MSRA: variants seen among roughly 807,000 people sequenced by gnomAD.
MSRA encodes mitochondrial peptide methionine sulfoxide reductase.
MSRA carries 54 observed loss-of-function variants against 31.3 expected under a neutral mutation model. The observed-to-expected ratio is 1.73, with a 90% CI of 1.39 to 2.17. MSRA has a LOEUF of 2.17. Ranked by LOEUF, MSRA falls within the 30% of genes most tolerant of loss-of-function variation. The probability of loss-of-function intolerance (pLI) is 0.00; values close to 1 mark genes in which losing one functional copy is unlikely to be tolerated. For missense variants in MSRA, 507 were observed against 300.9 expected (o/e 1.69, Z -5.07); for synonymous variants, 169 against 116.5 (o/e 1.45, Z -2.90).
chr8:10,191,318 C>T (rs996584069), intron 1 of MSRA, among the ~76,000 whole-genome samples: 15 of 152,276 alleles, frequency 9.9e-5, no homozygotes, highest in Admixed American at 1.3e-4. Flanking sequence ...AAAACCCCAC[C>T]GAAATACAGA....
At chr8:10,117,186 G>A (rs1202697705) in intron 1 of MSRA, among the ~76,000 whole-genome samples, 2 of 152,128 alleles carry the variant, frequency 1.3e-5, no homozygotes, top group African/African-American at 2.4e-5. Context: ...GTTCTTCTAA[G>A]TAGGCATGCC....
chr8:10,114,003 C>CT (rs1800491199), intron 1 of MSRA, among the ~76,000 whole-genome samples: 1 of 152,150 alleles, frequency 6.6e-6, no homozygotes, highest in African/African-American at 2.4e-5. Flanking sequence ...TACTAGTTCA[C>CT]TTTTTGTCTA....
intron 1 of MSRA, among the ~76,000 whole-genome samples, chr8:10,127,568 A>T (rs1321511747): frequency 6.6e-6 from 1 of 152,210 alleles, no homozygotes; most frequent in Non-Finnish European, 1.5e-5. Flanking sequence ...CTCAGATGAA[A>T]TGAGTGGAGG....
At position 10,245,120 on chromosome 8, in the gene MSRA, G is replaced by A. The variant is rs1023364680; in HGVS notation, c.228G>A (p.Trp76Ter). 3 of 1,613,028 alleles carry A rather than the reference G, an allele frequency of 1.9e-6. No individual in the cohort carries two copies. Among genetic ancestry groups the A allele is most frequent in the Admixed American group, 1.7e-5 (1 of 59,958 alleles). The change falls in exon 3 of 6, where the codon TGG (tryptophan) becomes TGA (stop). Residue 76 changes from tryptophan (W) to a stop codon, truncating the protein, a stop_gained. Transcript: ENST00000317173. LOFTEE classifies it high-confidence loss of function. ...TTTTTTAAGGAATGGGATGTTTCTG[G>A]GGAGCTGAAAGGAAATTCTGGGTCT... ...QMAVFGMGCF[W>*]GAERKFWVLK... is the part of the protein sequence containing the mutation.
intron 2 of MSRA, among the ~76,000 whole-genome samples, chr8:10,240,580 C>T (rs1033156757): frequency 2.6e-5 from 4 of 152,164 alleles, no homozygotes; most frequent in African/African-American, 9.7e-5. Context: ...CTCTCTACCC[C>T]AGATTTCCTA....
rs551957973 is a variant in MSRA, at chr8:10,378,854, C to G, written c.544-49294C>G. On this transcript the variant is annotated intron_variant, in intron 5 of 5. Transcript: ENST00000317173. The stretch of plus-strand genomic sequence containing the variant: ...GTGAGAGCCACTGCATCAGACTAAC[C>G]ACGTGTGTTCCTCTTTTATTTAAAA... Among the ~76,000 whole-genome samples, 175 of 152,302 alleles carry G rather than the reference C, an allele frequency of 1.1e-3. 1 individual carries two copies. Among genetic ancestry groups the G allele is most frequent in the Middle Eastern group, 6.8e-3 (2 of 294 alleles).
intron 1 of MSRA, among the ~76,000 whole-genome samples, chr8:10,145,044 G>T (rs1462463869): frequency 6.6e-6 from 1 of 152,122 alleles, no homozygotes; most frequent in East Asian, 1.9e-4. Flanking sequence ...TAGCTGTCAG[G>T]CTTATGTCAA....
chr8:10,428,594 G>A lies in MSRA; in HGVS notation c.*282G>A. The A allele has an allele frequency of 2.6e-6, 1 of 383,974 alleles. No homozygotes were observed. Among genetic ancestry groups the A allele is most frequent in the South Asian group, 2.5e-5 (1 of 39,912 alleles). 23.8% of individuals were successfully genotyped at this position (383,974 alleles called of 1,614,324 possible). A position where few individuals can be genotyped will look rare whatever the true frequency, so the allele number is the denominator to read the frequency against. The stretch of plus-strand genomic sequence containing the variant: ...AGGGATGCTGTGTTCACCCTTCTTG[G>A]TAGAAGCTAAGGTGTGAGCTGGGAG... On this transcript the variant is annotated 3_prime_UTR_variant, in exon 6 of 6. Coordinates refer to ENST00000317173, the MANE Select transcript of MSRA (RefSeq NM_012331.5).
At chr8:10,217,061 C>T (rs191599912) in intron 2 of MSRA, among the ~76,000 whole-genome samples, 40 of 152,304 alleles carry the variant, frequency 2.6e-4, no homozygotes, top group African/African-American at 9.6e-4. Flanking sequence ...CCTTGCCAAC[C>T]CTTGTTATTT....
intron 1 of MSRA, among the ~76,000 whole-genome samples, chr8:10,055,577 T>C (rs945838441): frequency 3.9e-5 from 6 of 152,202 alleles, no homozygotes; most frequent in Admixed American, 2.6e-4. Flanking sequence ...CCCAACAATC[T>C]CTAAAACAAG....
rs994942835 is a variant in MSRA at position 10,351,192 on chromosome 8, C to T, written c.543+31203C>T. Reference sequence around the variant, plus strand: ...CATTCGAGTGAAAATTCATCTCTTTCCCTCCCAAAAACATCATGTAATGAA... The same window carrying T: ...CATTCGAGTGAAAATTCATCTCTTTTCCTCCCAAAAACATCATGTAATGAA... On this transcript the variant is annotated intron_variant, in intron 5 of 5. Transcript: ENST00000317173. Among the ~76,000 whole-genome samples, 3 of 151,330 alleles carry T rather than the reference C, an allele frequency of 2.0e-5. No homozygotes were observed. The South Asian group carries it at 6.3e-4, about 32-fold the overall frequency.
At chr8:10,298,460 G>T (rs62490321) in intron 3 of MSRA, among the ~76,000 whole-genome samples, 1 of 152,154 alleles carries the variant, frequency 6.6e-6, no homozygotes, top group South Asian at 2.1e-4. Context: ...GGTTGCCAGG[G>T]CCCAGTGGGA....
At chr8:10,270,403 T>G (rs1467143327) in intron 3 of MSRA, among the ~76,000 whole-genome samples, 1 of 61,776 alleles carries the variant, frequency 1.6e-5, no homozygotes, top group African/African-American at 5.0e-5. Context: ...TGAAGAAGCA[T>G]ACTGAAAAAA....
intron 1 of MSRA, among the ~76,000 whole-genome samples, chr8:10,063,461 A>G (rs756484263): frequency 6.6e-6 from 1 of 151,736 alleles, no homozygotes; most frequent in Non-Finnish European, 1.5e-5. Context: ...CTCCACTTCC[A>G]CCCCGAGGCT....
chr8:10,371,838 CT>C (rs1805496222), intron 5 of MSRA, among the ~76,000 whole-genome samples: 1 of 152,184 alleles, frequency 6.6e-6, no homozygotes, highest in Non-Finnish European at 1.5e-5. Context: ...TCTTGCAGGA[CT>C]TGGGACATGG....
intron 5 of MSRA, among the ~76,000 whole-genome samples, chr8:10,381,519 G>A (rs1806069117): frequency 6.6e-6 from 1 of 152,186 alleles, no homozygotes; most frequent in Non-Finnish European, 1.5e-5. Context: ...CCCCTCCCCA[G>A]TGAGTTTCCA....
intron 1 of MSRA, among the ~76,000 whole-genome samples, chr8:10,141,276 G>T (rs1802683130): frequency 6.6e-6 from 1 of 152,184 alleles, no homozygotes; most frequent in African/African-American, 2.4e-5. Flanking sequence ...ATCACCGTCG[G>T]GAGGCCTGTG....
At chr8:10,420,441 C>G (rs1808739154) in intron 5 of MSRA, among the ~76,000 whole-genome samples, 1 of 152,046 alleles carries the variant, frequency 6.6e-6, no homozygotes, top group Non-Finnish European at 1.5e-5. Context: ...ACAAACTACC[C>G]CAAAACTTAA....
intron 3 of MSRA, among the ~76,000 whole-genome samples, chr8:10,275,081 T>C (rs976888067): frequency 6.8e-6 from 1 of 147,904 alleles, no homozygotes; most frequent in African/African-American, 2.7e-5. Context: ...AGTTTAGATA[T>C]GAGAATAATT....
Sources: gnomAD v4.1 joint callset for allele counts (sites outside exome capture counted in the v4.1 genomes callset) on GRCh38, gnomAD v4.1.1 for gene constraint, MANE v1.5 for transcripts, NCBI Gene and HGNC (gene_info 2026-07-23, HGNC 2026-07-21) for gene names.